The following IPO5 variants were observed in gnomAD, a reference collection of about 807,000 sequenced individuals.
IPO5 encodes importin-5.
In IPO5, 18 loss-of-function variants were observed where a neutral mutation model predicts 143.3. The observed-to-expected ratio is 0.13, with a 90% CI of 0.09 to 0.19. The LOEUF (loss-of-function observed/expected upper bound fraction) is 0.19. IPO5 is among the 10% of genes least tolerant of loss of function. IPO5 has a pLI of 1.00. For synonymous variants in IPO5, 477 were observed against 465.7 expected, an observed-to-expected ratio of 1.02 and a Z score of -0.31; for missense variants, 1,013 against 1,336.9, an observed-to-expected ratio of 0.76 and a Z score of 3.78.
intron 2 of IPO5, among the ~76,000 whole-genome samples, chr13:97,966,713 T>G (rs1407787239): frequency 6.6e-6 from 1 of 152,160 alleles, no homozygotes; most frequent in South Asian, 2.1e-4. Flanking sequence ...AGTAAAGTCA[T>G]CTGGTCTGGG....
At chr13:97,993,314 TGA>T in intron 11 of IPO5, 89 bp downstream of exon 11, 2 of 1,117,192 alleles carry the variant, frequency 1.8e-6, no homozygotes, top group Non-Finnish European at 2.6e-6. Context: ...CTCAGATTGT[TGA>T]GAATATAATG....
intron 4 of IPO5, among the ~76,000 whole-genome samples, chr13:97,980,743 C>T (rs1169060867): frequency 6.6e-6 from 1 of 150,884 alleles, no homozygotes; most frequent in Non-Finnish European, 1.5e-5. Flanking sequence ...AGGAGAATCT[C>T]TTGAACCTGG....
chr13:98,008,747 T>A (rs1889469811), intron 18 of IPO5, among the ~76,000 whole-genome samples: 1 of 152,194 alleles, frequency 6.6e-6, no homozygotes. Flanking sequence ...ATCTGCTCAG[T>A]CTCAATGGTG....
At chr13:97,977,957 T>C (rs1886521137) in intron 4 of IPO5, among the ~76,000 whole-genome samples, 1 of 152,232 alleles carries the variant, frequency 6.6e-6, no homozygotes, top group South Asian at 2.1e-4. Flanking sequence ...CTGAAGACTT[T>C]TCCAGGTGTC....
intron 12 of IPO5, among the ~76,000 whole-genome samples, chr13:97,999,252 A>G (rs1594095854): frequency 6.6e-6 from 1 of 152,226 alleles, no homozygotes; most frequent in Non-Finnish European, 1.5e-5. Context: ...ATATATATGC[A>G]TTTTTGAGAC....
At position 98,006,318 on chromosome 13, in the gene IPO5, C is replaced by T. The variant is rs371668786; in HGVS notation, c.1686C>T (p.Ser562=). Residue 562 remains serine, a synonymous_variant, in exon 17 of 29, where the codon AGC becomes AGT. Transcript: ENST00000651721. ...LLRGKTIECI[S]LIGLAVGKEK... is the part of the protein sequence containing the mutation. The stretch of plus-strand genomic sequence containing the variant: ...GAGGAAAAACTATTGAATGCATTAG[C>T]CTCATTGGTCTGGCTGTTGGGAAGG... The T allele has an allele frequency of 3.1e-6, 5 of 1,591,450 alleles. No homozygotes were observed. The African/African-American group carries it at 5.6e-5, about 18-fold the overall frequency.
Position 98,002,696 on chromosome 13 carries a change from A to C in IPO5, c.1246A>C (p.Arg416=), listed in dbSNP as rs1888908322. The change falls in exon 15 of 29, where the codon AGG becomes CGG. Residue 416 remains arginine, a synonymous_variant. Coordinates refer to ENST00000651721, the MANE Select transcript of IPO5 (RefSeq NM_002271.6). Reference sequence around the variant, plus strand: ...GAACATTTTCCAGCATCCAAGAGTAAGGTATGCAGCCTGTAATGCCGTGGG... The same window carrying C: ...GAACATTTTCCAGCATCCAAGAGTACGGTATGCAGCCTGTAATGCCGTGGG... The part of the protein sequence containing the change: ...LFLQDPHPRV[R]YAACNAVGQM... The C allele has an allele frequency of 6.2e-7, 1 of 1,609,990 alleles. No individual in the cohort carries two copies. Among genetic ancestry groups the C allele is most frequent in the African/African-American group, 1.3e-5 (1 of 74,770 alleles).
chr13:97,983,965 C>CTTTTTT (rs71117684), intron 5 of IPO5, among the ~76,000 whole-genome samples: 981 of 45,888 alleles, frequency 0.021, 225 homozygotes, highest in Non-Finnish European at 0.028. Context: ...AGGGTAACTT[C>CTTTTTT]TTTTTTTTTT....
At chr13:97,978,845 T>TA (rs924790109) in intron 4 of IPO5, among the ~76,000 whole-genome samples, 18 of 152,222 alleles carry the variant, frequency 1.2e-4, no homozygotes, top group African/African-American at 4.3e-4. Context: ...TTTTATCACT[T>TA]ACATCACTTT....
intron 25 of IPO5, among the ~76,000 whole-genome samples, 192 bp from the exon 26 acceptor site, chr13:98,018,293 A>G (rs1405830919): frequency 6.6e-6 from 1 of 152,212 alleles, no homozygotes; most frequent in East Asian, 1.9e-4. Flanking sequence ...CAAGTCTTTG[A>G]AACCTAAATT....
chr13:97,966,552 G>A (rs1429341717), intron 2 of IPO5, among the ~76,000 whole-genome samples: 10 of 151,930 alleles, frequency 6.6e-5, no homozygotes, highest in South Asian at 2.1e-4. Flanking sequence ...TTTTTGTGTC[G>A]ATATTGGTCT....
chr13:98,012,846 A>G (rs1244080018), intron 21 of IPO5, among the ~76,000 whole-genome samples: 4 of 122,968 alleles, frequency 3.3e-5, no homozygotes, highest in Non-Finnish European at 4.9e-5. Flanking sequence ...AGGTCTGCCT[A>G]TGTTGCCCAG....
intron 24 of IPO5, among the ~76,000 whole-genome samples, chr13:98,016,439 A>T (rs184106818): frequency 1.3e-5 from 2 of 152,202 alleles, no homozygotes; most frequent in Non-Finnish European, 2.9e-5. Context: ...GAAATTAGAG[A>T]TAATTTTTCA....
At chr13:98,014,837 TC>T (rs10575235) in intron 22 of IPO5, among the ~76,000 whole-genome samples, 2,960 of 125,398 alleles carry the variant, frequency 0.024, 110 homozygotes, top group African/African-American at 0.13. Context: ...TCAATTCTTC[TC>T]TTTTTTTTTT....
intron 3 of IPO5, among the ~76,000 whole-genome samples, chr13:97,974,945 G>A (rs996664940): frequency 2.0e-5 from 3 of 152,142 alleles, no homozygotes; most frequent in Admixed American, 6.6e-5. Flanking sequence ...AATTGCACGT[G>A]GATCCCAGGG....
At chr13:97,983,251 T>C (rs1887006829) in intron 5 of IPO5, among the ~76,000 whole-genome samples, 1 of 152,212 alleles carries the variant, frequency 6.6e-6, no homozygotes, top group Admixed American at 6.5e-5. Flanking sequence ...TTCAGTGTTT[T>C]GATGTGTTAT....
At chr13:97,961,649 G>A (rs1884893350) in intron 2 of IPO5, among the ~76,000 whole-genome samples, 2 of 152,070 alleles carry the variant, frequency 1.3e-5, no homozygotes, top group Non-Finnish European at 2.9e-5. Flanking sequence ...TTACATTGTG[G>A]TTTTGATTTG....
chr13:98,017,983 A>G (rs1436518260), intron 25 of IPO5, among the ~76,000 whole-genome samples: 1 of 152,110 alleles, frequency 6.6e-6, no homozygotes, highest in Non-Finnish European at 1.5e-5. Flanking sequence ...TCGGTTTTTA[A>G]AAAATATATT....
chr13:97,997,896 A>G (rs539607425), intron 12 of IPO5, among the ~76,000 whole-genome samples: 13 of 152,260 alleles, frequency 8.5e-5, no homozygotes, highest in Non-Finnish European at 1.9e-4. Context: ...CAGGAACTGA[A>G]AGATACCTAC....
Sources: gnomAD v4.1 joint callset for allele counts (sites outside exome capture counted in the v4.1 genomes callset) on GRCh38, gnomAD v4.1.1 for gene constraint, MANE v1.5 for transcripts, NCBI Gene and HGNC (gene_info 2026-07-23, HGNC 2026-07-21) for gene names.